BICC1: variants seen among roughly 807,000 people sequenced by gnomAD.
The protein encoded by BICC1 is protein bicaudal C homolog 1.
Under a neutral mutation model 111.0 loss-of-function variants are expected in BICC1, and 43 were observed. That is an observed-to-expected ratio of 0.39 (90% confidence interval 0.30 to 0.50). BICC1 has a LOEUF of 0.50. Ranked by LOEUF, BICC1 falls within the 20% of genes least tolerant of loss-of-function variation. The pLI is 0.88. For missense variants in BICC1, 1,091 were observed against 1,203.2 expected, an observed-to-expected ratio of 0.91 and a Z score of 1.38; for synonymous variants, 467 against 434.4, an observed-to-expected ratio of 1.07 and a Z score of -0.93.
chr10:58,742,879 G>T (rs77864606), intron 3 of BICC1, among the ~76,000 whole-genome samples: 2 of 151,988 alleles, frequency 1.3e-5, no homozygotes, highest in East Asian at 3.9e-4. Flanking sequence ...TGTCATTCAG[G>T]TTACTAGAGA....
intron 10 of BICC1, among the ~76,000 whole-genome samples, chr10:58,797,984 C>G (rs1843411545): frequency 6.6e-6 from 1 of 152,272 alleles, no homozygotes; most frequent in African/African-American, 2.4e-5. Context: ...AAAGCATTCC[C>G]TAGTCGCTGC....
At chr10:58,581,203 T>C (rs1844270909) in intron 1 of BICC1, among the ~76,000 whole-genome samples, 1 of 152,182 alleles carries the variant, frequency 6.6e-6, no homozygotes, top group African/African-American at 2.4e-5. Context: ...CCTGAAGGAA[T>C]TATATGTTGA....
At chr10:58,676,466 T>G (rs1255998081) in intron 2 of BICC1, among the ~76,000 whole-genome samples, 1 of 152,172 alleles carries the variant, frequency 6.6e-6, no homozygotes, top group Non-Finnish European at 1.5e-5. Context: ...TACTGAGGCT[T>G]ACGCAAAGCT....
At chr10:58,824,520 C>A (rs1844340314) in intron 20 of BICC1, among the ~76,000 whole-genome samples, 1 of 152,124 alleles carries the variant, frequency 6.6e-6, no homozygotes, top group Admixed American at 6.5e-5. Flanking sequence ...ATTGGTCATC[C>A]TCCAGAACTT....
chr10:58,569,566 A>G (rs1037780969), intron 1 of BICC1, among the ~76,000 whole-genome samples: 2 of 152,042 alleles, frequency 1.3e-5, no homozygotes, highest in Admixed American at 6.6e-5. Context: ...GGCAGGTCCC[A>G]GTGTGTGATG....
chr10:58,803,176 A>G lies in BICC1; in HGVS notation c.2115A>G (p.Ala705=), dbSNP rs1564623285. The change falls in exon 15 of 21, where the codon GCA becomes GCG. Residue 705 remains alanine, a synonymous_variant. Transcript: ENST00000373886. ...APGSERAAER[A]AAAQQNSERA... is the part of the protein sequence containing the mutation. ...GGAGTGAGCGCGCTGCAGAGAGGGC[A>G]GCAGCTGCCCAGCAAAACTCCGAAA... The G allele has an allele frequency of 6.2e-7, 1 of 1,611,580 alleles. No individual in the cohort carries two copies. The highest frequency in any genetic ancestry group is 8.5e-7 in the Non-Finnish European group (1 of 1,178,772).
chr10:58,814,125 C>T (rs188974969), intron 18 of BICC1, 139 bp downstream of exon 18: 1 of 982,086 alleles, frequency 1.0e-6, no homozygotes, highest in Non-Finnish European at 1.6e-6. Flanking sequence ...TGTGAAGCCT[C>T]CTTGTTTCTC....
chr10:58,748,258 A>G (rs1433488504), intron 3 of BICC1, among the ~76,000 whole-genome samples: 2 of 152,238 alleles, frequency 1.3e-5, no homozygotes, highest in Admixed American at 6.5e-5. Context: ...TGTAAAGAAC[A>G]CAGAATTTTT....
chr10:58,617,065 C>T (rs570542486), intron 1 of BICC1, among the ~76,000 whole-genome samples: 4 of 152,326 alleles, frequency 2.6e-5, no homozygotes, highest in Middle Eastern at 3.4e-3. Context: ...TGGCTGGGGC[C>T]TTTAGCAGCG....
intron 1 of BICC1, among the ~76,000 whole-genome samples, chr10:58,590,741 T>A (rs1225568280): frequency 1.3e-5 from 2 of 152,198 alleles, no homozygotes. Flanking sequence ...TACCTCAGCA[T>A]TTAAGATCCT....
intron 2 of BICC1, among the ~76,000 whole-genome samples, chr10:58,621,533 C>T (rs532207233): frequency 6.6e-6 from 1 of 152,212 alleles, no homozygotes; most frequent in Non-Finnish European, 1.5e-5. Flanking sequence ...GACGAATAGG[C>T]TGGATGCAGT....
At chr10:58,716,117 C>G (rs1264455124) in intron 3 of BICC1, 1 of 1,499,426 alleles carries the variant, frequency 6.7e-7, no homozygotes, top group Non-Finnish European at 9.1e-7. Context: ...GAAGATAAAC[C>G]TTTATCATCT....
intron 3 of BICC1, among the ~76,000 whole-genome samples, chr10:58,702,807 G>A (rs1038052124): frequency 1.3e-5 from 2 of 152,164 alleles, no homozygotes; most frequent in African/African-American, 4.8e-5. Context: ...ACTTTGTGGA[G>A]TATATTTCAT....
intron 3 of BICC1, among the ~76,000 whole-genome samples, chr10:58,713,251 G>T (rs957550565): frequency 1.3e-5 from 2 of 152,068 alleles, no homozygotes; most frequent in East Asian, 3.9e-4. Context: ...GCTTTCTTGG[G>T]CTCCTTCTCC....
intron 3 of BICC1, among the ~76,000 whole-genome samples, chr10:58,750,431 T>C (rs925849032): frequency 2.0e-5 from 3 of 152,198 alleles, no homozygotes; most frequent in South Asian, 2.1e-4. Flanking sequence ...TGTTAAACTA[T>C]GACAGAATGC....
chr10:58,665,132 G>T (rs928558942), intron 2 of BICC1, among the ~76,000 whole-genome samples: 4 of 152,098 alleles, frequency 2.6e-5, no homozygotes, highest in Non-Finnish European at 5.9e-5. Flanking sequence ...AAGGGTAAGT[G>T]GGTGGTTTGG....
At chr10:58,576,373 A>G (rs946208714) in intron 1 of BICC1, among the ~76,000 whole-genome samples, 3 of 152,216 alleles carry the variant, frequency 2.0e-5, no homozygotes, top group Non-Finnish European at 4.4e-5. Context: ...TTCCACATGC[A>G]TACAACTACC....
At chr10:58,637,734 C>T (rs1837993885) in intron 2 of BICC1, among the ~76,000 whole-genome samples, 2 of 152,212 alleles carry the variant, frequency 1.3e-5, no homozygotes, top group African/African-American at 4.8e-5. Flanking sequence ...TGTTAGAGCT[C>T]TGTAAAACAT....
In BICC1 at chr10:58,721,747, G is replaced by A. The variant is rs114162627; in HGVS notation, c.307+19604G>A. Among the ~76,000 whole-genome samples the A allele has an allele frequency of 6.4e-3, 981 of 152,252 alleles. 10 individuals carry two copies. Among genetic ancestry groups the A allele is most frequent in the African/African-American group, 0.023 (941 of 41,544 alleles). On this transcript the variant is annotated intron_variant, in intron 3 of 20. Coordinates refer to ENST00000373886, the MANE Select transcript of BICC1 (RefSeq NM_001080512.3). ...AGCAAGTCAGGAAAAATAATTTTCA[G>A]CACGTAAGCAGGGCAGGATCCCTGA...
Sources: gnomAD v4.1 joint callset for allele counts (sites outside exome capture counted in the v4.1 genomes callset) on GRCh38, gnomAD v4.1.1 for gene constraint, MANE v1.5 for transcripts, NCBI Gene and HGNC (gene_info 2026-07-23, HGNC 2026-07-21) for gene names.